AHI1: variants seen among roughly 807,000 people sequenced by gnomAD.
The protein encoded by AHI1 is Abelson helper integration site 1.
AHI1 carries 123 observed loss-of-function variants against 149.3 expected under a neutral mutation model. The ratio of observed to expected loss-of-function variants is 0.82; its 90% CI spans 0.71 to 0.96. The LOEUF (loss-of-function observed/expected upper bound fraction) is 0.96. Among genes scored for constraint, AHI1 ranks in the 40% least tolerant of loss-of-function variants. The pLI is 0.00. For missense variants in AHI1, 1,439 were observed against 1,422.7 expected (o/e 1.01, Z -0.18); for synonymous variants, 475 against 459.8 (o/e 1.03, Z -0.42).
intron 23 of AHI1, among the ~76,000 whole-genome samples, chr6:135,390,039 C>T (rs1410351227): frequency 6.6e-6 from 1 of 151,680 alleles, no homozygotes; most frequent in African/African-American, 2.4e-5. Flanking sequence ...TTTTTAAACT[C>T]ATGAGCAATC....
At chr6:135,301,027 T>C in intron 26 of AHI1, 1 of 984,670 alleles carries the variant, frequency 1.0e-6, no homozygotes, top group Non-Finnish European at 1.2e-6. Flanking sequence ...ATGTGTTCAG[T>C]ATATCTTGTT....
chr6:135,419,840 A>G lies in AHI1; in HGVS notation c.2764+7327T>C, dbSNP rs147733158. ...TCTCTGTAGCATGTGATGCTATTTGATAGCATTTTACCCACAGAAATTGTG... is the reference window on the plus strand; with the variant it reads ...TCTCTGTAGCATGTGATGCTATTTGGTAGCATTTTACCCACAGAAATTGTG... On this transcript the variant is annotated intron_variant, in intron 20 of 28. Transcript: ENST00000265602. 4.6e-3 allele frequency among the ~76,000 whole-genome samples: 700 copies of G among 152,198 alleles called. 3 individuals carry two copies. Among genetic ancestry groups the G allele is most frequent in the African/African-American group, 0.016 (674 of 41,542 alleles).
chr6:135,394,695 T>G (rs1420064200), intron 23 of AHI1, 81 bp downstream of exon 23: 1 of 1,552,742 alleles, frequency 6.4e-7, no homozygotes, highest in Admixed American at 1.8e-5. Flanking sequence ...GAGCTTTATT[T>G]CTAAAGAAAT....
intron 26 of AHI1, among the ~76,000 whole-genome samples, chr6:135,312,004 A>G (rs1024819993): frequency 6.6e-6 from 1 of 152,236 alleles, no homozygotes; most frequent in African/African-American, 2.4e-5. Flanking sequence ...ACAATTAGCA[A>G]CAGAGCAGGT....
chr6:135,342,868 T>C (rs1790583466), intron 24 of AHI1, among the ~76,000 whole-genome samples: 1 of 151,710 alleles, frequency 6.6e-6, no homozygotes, highest in African/African-American at 2.4e-5. Context: ...CAGTTTACCT[T>C]CTAAGATTAG....
At chr6:135,492,577 T>C in intron 3 of AHI1, 1 of 984,520 alleles carries the variant, frequency 1.0e-6, no homozygotes, top group East Asian at 1.1e-4. Flanking sequence ...TGTGGTATGT[T>C]AATAAACTTT....
intron 21 of AHI1, among the ~76,000 whole-genome samples, chr6:135,408,049 A>T (rs988147287): frequency 9.9e-5 from 15 of 151,866 alleles, no homozygotes; most frequent in African/African-American, 1.4e-4. Flanking sequence ...AAAAAAAAAA[A>T]TTTCTGATTT....
chr6:135,430,249 T>A (rs765124271), intron 17 of AHI1, among the ~76,000 whole-genome samples: 1 of 151,968 alleles, frequency 6.6e-6, no homozygotes, highest in African/African-American at 2.4e-5. Context: ...GTATGTTCAC[T>A]TTCCCAAAAT....
intron 24 of AHI1, among the ~76,000 whole-genome samples, chr6:135,339,846 T>A (rs1790018661): frequency 6.6e-6 from 1 of 152,124 alleles, no homozygotes; most frequent in African/African-American, 2.4e-5. Flanking sequence ...TTAAAAAAGA[T>A]CCATATCTAG....
chr6:135,476,551 G>C (rs1227632057), intron 5 of AHI1, among the ~76,000 whole-genome samples: 1 of 151,550 alleles, frequency 6.6e-6, no homozygotes, highest in Non-Finnish European at 1.5e-5. Context: ...ACTACTTGTT[G>C]TATCAATTTC....
At chr6:135,349,861 GCAAGAGACCTTGC>G (rs1791811875) in intron 24 of AHI1, among the ~76,000 whole-genome samples, 1 of 152,048 alleles carries the variant, frequency 6.6e-6, no homozygotes, top group Non-Finnish European at 1.5e-5. Flanking sequence ...AAGTCCCTTG[GCAAGAGACCTTGC>G]CACAACTGAC....
At chr6:135,478,644 C>T (rs1318706162) in intron 5 of AHI1, among the ~76,000 whole-genome samples, 1 of 152,162 alleles carries the variant, frequency 6.6e-6, no homozygotes, top group Admixed American at 6.5e-5. Context: ...GCAGCCTGAT[C>T]AAGAGGTTAA....
intron 27 of AHI1, among the ~76,000 whole-genome samples, chr6:135,294,966 A>G (rs117506745): frequency 6.6e-6 from 1 of 152,304 alleles, no homozygotes; most frequent in East Asian, 1.9e-4. Context: ...TGCTCTTCAA[A>G]AGTCACTGCT....
chr6:135,494,608 A>G (rs1378595750), intron 3 of AHI1, among the ~76,000 whole-genome samples: 3 of 152,234 alleles, frequency 2.0e-5, no homozygotes, highest in Non-Finnish European at 4.4e-5. Context: ...AAGCCCTTCA[A>G]AAACAACAAC....
chr6:135,338,300 C>CAAAAAAAAA (rs199794648), intron 24 of AHI1, among the ~76,000 whole-genome samples: 4 of 94,572 alleles, frequency 4.2e-5, no homozygotes, highest in African/African-American at 1.6e-4. Context: ...AACTCCATCT[C>CAAAAAAAAA]AAAAAAAAAA....
intron 7 of AHI1, 114 bp from the exon 8 acceptor site, chr6:135,463,420 T>C (rs1356695343): frequency 1.1e-6 from 1 of 872,634 alleles, no homozygotes; most frequent in Non-Finnish European, 1.7e-6. Flanking sequence ...AAAATCACTA[T>C]TATTGTCTCT....
At chr6:135,366,980 A>G (rs1370275595) in intron 23 of AHI1, among the ~76,000 whole-genome samples, 1 of 152,180 alleles carries the variant, frequency 6.6e-6, no homozygotes, top group Non-Finnish European at 1.5e-5. Flanking sequence ...TTGCATCACT[A>G]TTATCATCCA....
intron 17 of AHI1, among the ~76,000 whole-genome samples, chr6:135,430,640 A>T (rs534724532): frequency 1.6e-4 from 24 of 152,086 alleles, no homozygotes; most frequent in African/African-American, 5.8e-4. Context: ...AATAAAAAGT[A>T]AAAAATGTAC....
intron 26 of AHI1, chr6:135,302,078 A>G (rs1452598113): frequency 1.0e-6 from 1 of 970,156 alleles, no homozygotes; most frequent in African/African-American, 1.8e-5. Flanking sequence ...TGCAGCCTTG[A>G]ACTCCTGGGC....
Sources: gnomAD v4.1 joint callset for allele counts (sites outside exome capture counted in the v4.1 genomes callset) on GRCh38, gnomAD v4.1.1 for gene constraint, MANE v1.5 for transcripts, NCBI Gene and HGNC (gene_info 2026-07-23, HGNC 2026-07-21) for gene names.